The following GBF1 variants were observed in gnomAD, a reference collection of about 807,000 sequenced individuals.
GBF1 encodes Golgi-specific brefeldin A-resistance guanine nucleotide exchange factor 1.
GBF1 carries 114 observed loss-of-function variants against 210.5 expected under a neutral mutation model. That is an observed-to-expected ratio of 0.54 (90% CI 0.47 to 0.63). The LOEUF is 0.63. GBF1 is among the 30% of genes least tolerant of loss of function. GBF1 has a pLI of 0.00. For synonymous variants in GBF1, 850 were observed against 889.2 expected (o/e 0.96, Z 0.78); for missense variants, 1,851 against 2,357.7 (o/e 0.79, Z 4.45).
intron 3 of GBF1, among the ~76,000 whole-genome samples, chr10:102,325,913 G>A (rs1181628612): frequency 2.0e-5 from 3 of 152,188 alleles, no homozygotes; most frequent in Non-Finnish European, 2.9e-5. Flanking sequence ...GCCTCCCAAA[G>A]TGCTGGGATT....
At chr10:102,310,185 A>G (rs1443219804) in intron 3 of GBF1, among the ~76,000 whole-genome samples, 1 of 152,240 alleles carries the variant, frequency 6.6e-6, no homozygotes, top group Non-Finnish European at 1.5e-5. Context: ...GTTTGATGTC[A>G]GAGTAAAAAG....
At chr10:102,331,065 G>T (rs567759019) in intron 3 of GBF1, among the ~76,000 whole-genome samples, 28 of 152,232 alleles carry the variant, frequency 1.8e-4, no homozygotes, top group Admixed American at 1.6e-3. Context: ...AAAGCAGCCT[G>T]CTCTGAGATA....
chr10:102,373,916 A>G, intron 29 of GBF1, among the ~76,000 whole-genome samples: 1 of 152,230 alleles, frequency 6.6e-6, no homozygotes, highest in East Asian at 1.9e-4. Context: ...TGGTACATAC[A>G]CACCATGGAA....
intron 6 of GBF1, 98 bp from the exon 7 acceptor site, chr10:102,352,360 T>G: frequency 1.2e-6 from 1 of 865,658 alleles, no homozygotes; most frequent in South Asian, 1.4e-5. Flanking sequence ...GGCATAATCC[T>G]TGGTAAACAA....
chr10:102,343,989 T>C (rs1243433825), intron 3 of GBF1, 62 bp from the exon 4 acceptor site: 3 of 1,470,740 alleles, frequency 2.0e-6, no homozygotes, highest in Non-Finnish European at 1.9e-6. Flanking sequence ...AACAAGAAAC[T>C]TTTTCCAGGG....
chr10:102,280,141 A>AGG (rs1167209165), intron 3 of GBF1, among the ~76,000 whole-genome samples: 1 of 152,042 alleles, frequency 6.6e-6, no homozygotes, highest in Non-Finnish European at 1.5e-5. Context: ...AGAGAGAGAG[A>AGG]GAGAGAGAGA....
chr10:102,328,274 C>G (rs1007268710), intron 3 of GBF1, among the ~76,000 whole-genome samples: 3 of 152,200 alleles, frequency 2.0e-5, no homozygotes, highest in African/African-American at 7.2e-5. Context: ...AGGAGGATCA[C>G]TTGAACCCAG....
At chr10:102,376,209 T>C (rs2060484795) in intron 30 of GBF1, 63 bp from the exon 31 acceptor site, 14 of 1,319,146 alleles carry the variant, frequency 1.1e-5, no homozygotes. Context: ...GAGAGCCTGA[T>C]TTATCCCTCA....
intron 3 of GBF1, among the ~76,000 whole-genome samples, chr10:102,303,321 A>G (rs1054375985): frequency 2.0e-5 from 3 of 152,252 alleles, no homozygotes; most frequent in Middle Eastern, 3.4e-3. Flanking sequence ...GTAGGGGTCC[A>G]GTTCATTGTT....
intron 3 of GBF1, among the ~76,000 whole-genome samples, chr10:102,293,955 T>G (rs139540800): frequency 0.015 from 2,290 of 151,500 alleles, 24 homozygotes; most frequent in Non-Finnish European, 0.024. Context: ...TTATTTGTAT[T>G]TTTTAATAGA....
At chr10:102,329,031 G>C (rs2057124803) in intron 3 of GBF1, among the ~76,000 whole-genome samples, 1 of 152,118 alleles carries the variant, frequency 6.6e-6, no homozygotes, top group African/African-American at 2.4e-5. Context: ...CTTAAGTTGG[G>C]GCTTGGTCTT....
At position 102,380,346 on chromosome 10, in the gene GBF1, G is replaced by C. The variant is rs1392621017; in HGVS notation, c.4976G>C (p.Gly1659Ala). ...LDFMDKYMHA[G>A]SSDLLSEAIP... ...TTCATGGACAAGTACATGCACGCAG[G>C]CTCCAGCGACTTACTGGTATGTTCT... The change falls in exon 37 of 40, where the codon GGC becomes GCC. Residue 1659 changes from glycine to alanine, a missense_variant. Gly to Ala is a moderately conservative substitution (Grantham distance 60). Transcript: ENST00000369983. 3 of 1,612,722 alleles carry C rather than the reference G, an allele frequency of 1.9e-6. No homozygotes were observed. The highest frequency in any genetic ancestry group is 2.5e-6 in the Non-Finnish European group (3 of 1,178,950).
intron 8 of GBF1, among the ~76,000 whole-genome samples, chr10:102,356,533 A>G (rs919259607): frequency 1.3e-5 from 2 of 152,086 alleles, no homozygotes; most frequent in Non-Finnish European, 2.9e-5. Flanking sequence ...TGGGAGGCCA[A>G]GGCGGGCGGA....
chr10:102,353,566 C>T, intron 7 of GBF1, 34 bp from the exon 8 acceptor site: 3 of 1,416,136 alleles, frequency 2.1e-6, no homozygotes, highest in Non-Finnish European at 2.0e-6. Flanking sequence ...TGTCATTATC[C>T]CTAATGACAG....
intron 3 of GBF1, among the ~76,000 whole-genome samples, chr10:102,331,744 C>T (rs963294117): frequency 7.9e-5 from 12 of 151,814 alleles, no homozygotes; most frequent in South Asian, 4.1e-4. Flanking sequence ...GCAGTGGTGC[C>T]ATCATGGCTC....
intron 3 of GBF1, among the ~76,000 whole-genome samples, chr10:102,311,709 C>T (rs1162041047): frequency 6.6e-6 from 1 of 152,148 alleles, no homozygotes; most frequent in Non-Finnish European, 1.5e-5. Flanking sequence ...TCTTCTGTTC[C>T]CACTCAAATG....
intron 10 of GBF1, 154 bp from the exon 11 acceptor site, chr10:102,359,113 C>T: frequency 1.6e-6 from 1 of 641,248 alleles, no homozygotes; most frequent in Non-Finnish European, 2.8e-6. Flanking sequence ...CATACTCCTA[C>T]CTGAGCCATC....
In GBF1 at chr10:102,368,272, T is replaced by C. The variant is rs1038154417; in HGVS notation, c.2697T>C (p.Tyr899=). ...AGACAGGCTTGGTTCGGGAGAACTATGTGTGGAATGTGCTGCTTCATCGAG... is the reference window on the plus strand; with the variant it reads ...AGACAGGCTTGGTTCGGGAGAACTACGTGTGGAATGTGCTGCTTCATCGAG... ...EEQTGLVREN[Y]VWNVLLHRGA... The change falls in exon 22 of 40, where the codon TAT becomes TAC. Residue 899 remains tyrosine (Y), a synonymous_variant. Coordinates refer to ENST00000369983, the MANE Select transcript of GBF1 (RefSeq NM_001377137.1). 6.2e-7 allele frequency: 1 copy of C among 1,614,174 alleles called. No homozygotes were observed. The highest frequency in any genetic ancestry group is 8.5e-7 in the Non-Finnish European group (1 of 1,180,004).
chr10:102,292,218 T>C (rs2076502420), intron 3 of GBF1, among the ~76,000 whole-genome samples: 1 of 152,014 alleles, frequency 6.6e-6, no homozygotes, highest in African/African-American at 2.4e-5. Context: ...TCCTAGTTTC[T>C]AGTATTCTCT....
Sources: allele counts gnomAD v4.1 joint callset (sites outside exome capture counted in the v4.1 genomes callset), GRCh38; gene constraint gnomAD v4.1.1; transcripts MANE v1.5; gene names NCBI Gene and HGNC (gene_info 2026-07-23, HGNC 2026-07-21).